The following GNA14 variants were observed in gnomAD, a reference collection of about 807,000 sequenced individuals.
GNA14 encodes guanine nucleotide-binding protein subunit alpha-14.
Under a neutral mutation model 42.0 loss-of-function variants are expected in GNA14, and 50 were observed. The observed-to-expected ratio is 1.19, with a 90% CI of 0.95 to 1.51. GNA14 has a LOEUF of 1.51. Among genes scored for constraint, GNA14 ranks in the 40% most tolerant of loss-of-function variants. GNA14 has a pLI of 0.00. For synonymous variants in GNA14, 173 were observed against 163.1 expected (o/e 1.06, Z -0.46); for missense variants, 473 against 446.2 (o/e 1.06, Z -0.54).
intron 1 of GNA14, among the ~76,000 whole-genome samples, chr9:77,638,158 A>C (rs1226244642): frequency 6.6e-6 from 1 of 152,180 alleles, no homozygotes; most frequent in Non-Finnish European, 1.5e-5. Flanking sequence ...TCTGGCTTTC[A>C]GTGCTCACAC....
At chr9:77,578,554 T>C (rs1009265678) in intron 1 of GNA14, among the ~76,000 whole-genome samples, 1 of 152,226 alleles carries the variant, frequency 6.6e-6, no homozygotes, top group Non-Finnish European at 1.5e-5. Context: ...TAGTCACAGG[T>C]TGCTACAACC....
intron 2 of GNA14, among the ~76,000 whole-genome samples, chr9:77,456,962 C>T (rs1309023850): frequency 6.6e-6 from 1 of 152,212 alleles, no homozygotes; most frequent in Non-Finnish European, 1.5e-5. Context: ...TGACTAGGGA[C>T]AGCCAGGACT....
chr9:77,642,262 G>A (rs939258375), intron 1 of GNA14, among the ~76,000 whole-genome samples: 2 of 152,180 alleles, frequency 1.3e-5, no homozygotes, highest in Non-Finnish European at 2.9e-5. Flanking sequence ...GAAGAGGTAC[G>A]TGCATTTGCC....
intron 1 of GNA14, among the ~76,000 whole-genome samples, chr9:77,635,619 A>T (rs771426737): frequency 6.6e-6 from 1 of 152,234 alleles, no homozygotes; most frequent in African/African-American, 2.4e-5. Flanking sequence ...GCTTATGTCC[A>T]TATAAATTAA....
chr9:77,441,580 G>C (rs1835736107), intron 2 of GNA14, among the ~76,000 whole-genome samples: 1 of 152,106 alleles, frequency 6.6e-6, no homozygotes, highest in Non-Finnish European at 1.5e-5. Context: ...GTAAAAATAA[G>C]TGAGATTAAG....
At chr9:77,468,944 A>G (rs1052205623) in intron 2 of GNA14, among the ~76,000 whole-genome samples, 7 of 152,176 alleles carry the variant, frequency 4.6e-5, no homozygotes, top group Non-Finnish European at 4.4e-5. Flanking sequence ...TGTTCTTAAA[A>G]CTCTCAACAC....
At chr9:77,639,461 G>A (rs1398233972) in intron 1 of GNA14, among the ~76,000 whole-genome samples, 1 of 152,196 alleles carries the variant, frequency 6.6e-6, no homozygotes, top group Admixed American at 6.5e-5. Flanking sequence ...AACCCAGCAA[G>A]GCTGGCTCCA....
chr9:77,456,315 T>C (rs1440195437), intron 2 of GNA14: 2 of 152,102 alleles, frequency 1.3e-5, no homozygotes, highest in African/African-American at 4.8e-5. Context: ...GTGGGGACAG[T>C]TGGCTGCCTG....
At chr9:77,613,871 G>C (rs1235350848) in intron 1 of GNA14, among the ~76,000 whole-genome samples, 1 of 152,072 alleles carries the variant, frequency 6.6e-6, no homozygotes, top group East Asian at 1.9e-4. Context: ...TACTCCTGTT[G>C]GAAATGAGAG....
At chr9:77,621,456 G>A (rs978396480) in intron 1 of GNA14, among the ~76,000 whole-genome samples, 8 of 152,270 alleles carry the variant, frequency 5.3e-5, no homozygotes, top group African/African-American at 1.9e-4. Context: ...GCATGCAAGT[G>A]CACACACACA....
intron 1 of GNA14, among the ~76,000 whole-genome samples, chr9:77,566,024 G>A (rs1587832117): frequency 6.6e-6 from 1 of 152,084 alleles, no homozygotes; most frequent in African/African-American, 2.4e-5. Context: ...TTAAACATCT[G>A]GCAATGCACA....
rs551487382 is a variant in GNA14 at position 77,598,325 on chromosome 9, CA to C, written c.124+49344del. ...GACAAATATTTGTCAATTGAATGAA[CA>C]AATAGAAATCCAATTTATCATTCCA... On this transcript the variant is annotated intron_variant, in intron 1 of 6. Transcript: ENST00000341700. Among the ~76,000 whole-genome samples, 40 of 152,288 alleles carry C rather than the reference CA, an allele frequency of 2.6e-4. 4 individuals are homozygous for C. Among genetic ancestry groups the C allele is most frequent in the African/African-American group, 8.9e-4 (37 of 41,568 alleles).
At chr9:77,577,196 A>G (rs910566703) in intron 1 of GNA14, among the ~76,000 whole-genome samples, 1 of 152,204 alleles carries the variant, frequency 6.6e-6, no homozygotes, top group Non-Finnish European at 1.5e-5. Context: ...TTACTCAAGA[A>G]TTCATTTTAC....
intron 2 of GNA14, among the ~76,000 whole-genome samples, chr9:77,508,244 G>A (rs1021812499): frequency 3.9e-5 from 6 of 152,058 alleles, no homozygotes; most frequent in Non-Finnish European, 7.3e-5. Flanking sequence ...GCTAAGTGTC[G>A]GAAAAAGTAA....
chr9:77,603,499 A>G (rs909716449), intron 1 of GNA14, among the ~76,000 whole-genome samples: 1 of 152,184 alleles, frequency 6.6e-6, no homozygotes, highest in Non-Finnish European at 1.5e-5. Flanking sequence ...TTTCTACTCT[A>G]CATAGAAAGA....
Position 77,567,506 on chromosome 9 carries a change from A to C in GNA14, c.125-38253T>G, listed in dbSNP as rs188750149. On this transcript the variant is annotated intron_variant, in intron 1 of 6. Transcript: ENST00000341700. ...TGAGAGCTACAAATAATTACAGTTA[A>C]TTCTAACTAGTCACCATTTTCTTCC... 3.7e-3 allele frequency among the ~76,000 whole-genome samples: 562 copies of C among 152,340 alleles called. 7 individuals are homozygous for C. The highest frequency in any genetic ancestry group is 0.012 in the African/African-American group (492 of 41,584).
chr9:77,529,392 G>T, intron 1 of GNA14, 139 bp from the exon 2 acceptor site: 1 of 717,708 alleles, frequency 1.4e-6, no homozygotes, highest in Non-Finnish European at 2.4e-6. Context: ...ACTGCCAAAT[G>T]GTTATGCAGT....
intron 1 of GNA14, among the ~76,000 whole-genome samples, chr9:77,587,945 GCTA>G: frequency 6.6e-6 from 1 of 152,192 alleles, no homozygotes; most frequent in East Asian, 1.9e-4. Context: ...CCTTTTTCTG[GCTA>G]CTAAAGGCCA....
chr9:77,536,293 A>G (rs1837597218), intron 1 of GNA14, among the ~76,000 whole-genome samples: 2 of 152,246 alleles, frequency 1.3e-5, no homozygotes, highest in African/African-American at 4.8e-5. Context: ...ATTAAAAAAC[A>G]ACAGCAGAAC....
Sources: allele counts gnomAD v4.1 joint callset (sites outside exome capture counted in the v4.1 genomes callset), GRCh38; gene constraint gnomAD v4.1.1; transcripts MANE v1.5; gene names NCBI Gene and HGNC (gene_info 2026-07-23, HGNC 2026-07-21).